The following DCAF8L2 variants were observed in gnomAD, a reference collection of about 807,000 sequenced individuals.
DCAF8L2 encodes DDB1 and CUL4 associated factor 8 like 2.
For missense variants in DCAF8L2, 430 were observed against 490.7 expected (o/e 0.88, Z 1.17); for synonymous variants, 200 against 190.9 (o/e 1.05, Z -0.39).
intron 2 of DCAF8L2, among the ~76,000 whole-genome samples, chrX:27,670,212 T>C (rs912321106): frequency 1.8e-5 from 2 of 110,474 alleles, no homozygotes; most frequent in Admixed American, 9.7e-5. Flanking sequence ...CTTCTTAAAA[T>C]ATTCCCTGAT....
chrX:27,743,014 T>C (rs1468810390), intron 4 of DCAF8L2, among the ~76,000 whole-genome samples: 1 of 112,530 alleles, frequency 8.9e-6, no homozygotes, highest in Non-Finnish European at 1.9e-5. Flanking sequence ...TAGCTATGGA[T>C]GATACCCATT....
chrX:27,632,957 C>A (rs1001924078), intron 2 of DCAF8L2: 2 of 111,854 alleles, frequency 1.8e-5, no homozygotes, highest in Admixed American at 1.9e-4. Flanking sequence ...TTGAAGGTGT[C>A]CTAACATACA....
chrX:27,621,219 T>C (rs1338467977), intron 1 of DCAF8L2, among the ~76,000 whole-genome samples: 1 of 110,256 alleles, frequency 9.1e-6, no homozygotes, highest in African/African-American at 3.3e-5. Context: ...TGCTATAGAG[T>C]TTCACTTTTA....
chrX:27,583,051 T>C, the DCAF8L2 span, among the ~76,000 whole-genome samples: 3 of 111,738 alleles, frequency 2.7e-5, no homozygotes, highest in Non-Finnish European at 5.6e-5. Flanking sequence ...ATTACTGTGG[T>C]GTGTGCTTAA....
intron 4 of DCAF8L2, among the ~76,000 whole-genome samples, chrX:27,733,406 T>A (rs997252687): frequency 3.6e-5 from 4 of 112,120 alleles, no homozygotes; most frequent in Non-Finnish European, 7.5e-5. Flanking sequence ...TTGATTAGAG[T>A]GAGTTCCTTA....
Position 27,613,846 on chromosome X carries a change from C to T in DCAF8L2, c.-341-18033C>T, listed in dbSNP as rs1003068995. Among the ~76,000 whole-genome samples the T allele has an allele frequency of 5.4e-5, 6 of 111,102 alleles. No homozygotes were observed. In the East Asian group the frequency reaches 8.4e-4, roughly 16 times the overall value. ...AAGCTTTTTGATGTGTTGCTGGATT[C>T]GGTTTGCCAGTATTTTATTGAGGAT... On this transcript the variant is annotated intron_variant, in intron 1 of 4. Coordinates refer to ENST00000451261, the MANE Select transcript of DCAF8L2 (RefSeq NM_001353450.2).
intron 1 of DCAF8L2, among the ~76,000 whole-genome samples, chrX:27,601,426 G>A (rs1378585715): frequency 8.9e-6 from 1 of 112,558 alleles, no homozygotes; most frequent in Non-Finnish European, 1.9e-5. Flanking sequence ...TAGGCTGGGC[G>A]TGGTGGCTCA....
rs1457179694 is a variant in DCAF8L2 at position 27,746,895 on chromosome X, G to T, written c.-1G>T. The T allele has an allele frequency of 1.7e-6, 2 of 1,192,119 alleles. No homozygotes were observed. Among genetic ancestry groups the T allele is most frequent in the South Asian group, 3.6e-5 (2 of 54,850 alleles). On this transcript the variant is annotated 5_prime_UTR_variant, in exon 5 of 5. Transcript: ENST00000451261. The stretch of plus-strand genomic sequence containing the variant: ...ATCTACTACAGCAAACATCGTTCAA[G>T]ATGTCCCACCAAGAAGGCAGCACAG...
chrX:27,583,948 TTA>T, the DCAF8L2 span, among the ~76,000 whole-genome samples: 1 of 111,712 alleles, frequency 9.0e-6, no homozygotes, highest in Non-Finnish European at 1.9e-5. Flanking sequence ...TCCCTGTATG[TTA>T]AGTATGGATC....
intron 1 of DCAF8L2, among the ~76,000 whole-genome samples, chrX:27,614,758 C>T (rs1044789082): frequency 1.8e-5 from 2 of 111,194 alleles, no homozygotes; most frequent in Admixed American, 9.6e-5. Flanking sequence ...TGTAGTTGAG[C>T]GGTTTTGAGT....
At chrX:27,557,326 T>C in the DCAF8L2 span, among the ~76,000 whole-genome samples, 1 of 112,177 alleles carries the variant, frequency 8.9e-6, no homozygotes, top group Non-Finnish European at 1.9e-5. Context: ...AATGTGAAAA[T>C]TGAAATGTTT....
the DCAF8L2 span, among the ~76,000 whole-genome samples, chrX:27,501,122 A>G: frequency 9.9e-5 from 11 of 111,019 alleles, no homozygotes; most frequent in Admixed American, 7.7e-4. Flanking sequence ...GCTCTATAGA[A>G]GCTATGTAAG....
intron 4 of DCAF8L2, among the ~76,000 whole-genome samples, chrX:27,741,513 C>G (rs1436129159): frequency 1.8e-5 from 2 of 109,052 alleles, no homozygotes; most frequent in African/African-American, 6.7e-5. Context: ...AGCATCCAAC[C>G]AGAATCCCAG....
chrX:27,674,092 C>A (rs1930059465), intron 2 of DCAF8L2, among the ~76,000 whole-genome samples: 1 of 111,604 alleles, frequency 9.0e-6, no homozygotes, highest in South Asian at 3.7e-4. Flanking sequence ...ATTAGAATAA[C>A]ATAGTAGTTA....
intron 2 of DCAF8L2, among the ~76,000 whole-genome samples, chrX:27,654,679 T>G (rs1241761692): frequency 8.9e-6 from 1 of 111,818 alleles, no homozygotes; most frequent in Non-Finnish European, 1.9e-5. Flanking sequence ...GTATTGTGAC[T>G]TTTTTCAGTG....
chrX:27,612,085 C>T lies in DCAF8L2; in HGVS notation c.-341-19794C>T, dbSNP rs548929842. On this transcript the variant is annotated intron_variant, in intron 1 of 4. Transcript: ENST00000451261. Reference sequence around the variant, plus strand: ...CAGTGTAAAAGCGTTCCTATTTCTCCACATCCTCTCCAGCATCTCTTGTTT... The same window carrying T: ...CAGTGTAAAAGCGTTCCTATTTCTCTACATCCTCTCCAGCATCTCTTGTTT... Among the ~76,000 whole-genome samples, 27 of 111,581 alleles carry T rather than the reference C, an allele frequency of 2.4e-4. No individual in the cohort carries two copies. In the South Asian group the frequency reaches 4.2e-3, roughly 17 times the overall value.
chrX:27,708,749 C>T (rs973539478), intron 3 of DCAF8L2, among the ~76,000 whole-genome samples: 1 of 112,020 alleles, frequency 8.9e-6, no homozygotes, highest in Non-Finnish European at 1.9e-5. Flanking sequence ...CCAGTATCTT[C>T]CCCTTCTCCT....
At chrX:27,718,124 C>T (rs994633965) in intron 4 of DCAF8L2, among the ~76,000 whole-genome samples, 5 of 111,441 alleles carry the variant, frequency 4.5e-5, no homozygotes, top group Non-Finnish European at 9.4e-5. Context: ...GTAGCCATTC[C>T]CACAAACATG....
chrX:27,692,758 G>A (rs1208267983), intron 3 of DCAF8L2, among the ~76,000 whole-genome samples: 1 of 111,103 alleles, frequency 9.0e-6, no homozygotes, highest in Admixed American at 9.6e-5. Flanking sequence ...TGTCACCCAG[G>A]GGACAACTGG....
Sources: allele counts gnomAD v4.1 joint callset (sites outside exome capture counted in the v4.1 genomes callset), GRCh38; gene constraint gnomAD v4.1.1; transcripts MANE v1.5; gene names NCBI Gene and HGNC (gene_info 2026-07-23, HGNC 2026-07-21).